The following KPNA4 variants were observed in gnomAD, a reference collection of about 807,000 sequenced individuals.
The protein encoded by KPNA4 is karyopherin subunit alpha 4.
In KPNA4, 13 loss-of-function variants were observed where a neutral mutation model predicts 71.3. The ratio of observed to expected loss-of-function variants is 0.18; its 90% CI spans 0.12 to 0.29. KPNA4 has a LOEUF of 0.29. Among genes scored for constraint, KPNA4 ranks in the 10% least tolerant of loss-of-function variants. KPNA4 has a pLI of 1.00. For missense variants in KPNA4, 334 were observed against 603.2 expected (o/e 0.55, Z 4.67); for synonymous variants, 189 against 195.2 (o/e 0.97, Z 0.26).
rs189405275 is a variant in KPNA4, at chr3:160,531,597, T to A, written c.288-40A>T. On this transcript the variant is annotated intron_variant, in intron 5 of 16. Transcript: ENST00000334256. Reference sequence around the variant, plus strand: ...AACACTCCTGTGAAACTTAATAACATACAATATTATGATTAAATATAAATT... The same window carrying A: ...AACACTCCTGTGAAACTTAATAACAAACAATATTATGATTAAATATAAATT... 10 of 981,738 alleles carry A rather than the reference T, an allele frequency of 1.0e-5. No homozygotes were observed. In the East Asian group the frequency reaches 2.0e-4, roughly 20 times the overall value. 60.8% of individuals were successfully genotyped at this position (981,738 alleles called of 1,614,324 possible). A position where few individuals can be genotyped will look rare whatever the true frequency, so the allele number is the denominator to read the frequency against.
chr3:160,555,791 G>C (rs939656775), intron 1 of KPNA4, among the ~76,000 whole-genome samples: 12 of 151,438 alleles, frequency 7.9e-5, no homozygotes, highest in African/African-American at 2.9e-4. Flanking sequence ...TGGGTATTTG[G>C]GTTGTTTCCT....
At chr3:160,540,221 G>A (rs572707507) in intron 1 of KPNA4, among the ~76,000 whole-genome samples, 3 of 151,790 alleles carry the variant, frequency 2.0e-5, no homozygotes, top group African/African-American at 7.3e-5. Flanking sequence ...GGCTGGTCTC[G>A]AACTCCTGAC....
rs115961633 is a variant in KPNA4 at position 160,497,754 on chromosome 3, C to A, written c.*4350G>T. ...TACTCAGCTATCTTGGCCTTCAAAA[C>A]GCCAATGGTGGATTCTAACTGAAAT... On this transcript the variant is annotated 3_prime_UTR_variant, in exon 17 of 17. Coordinates refer to ENST00000334256, the MANE Select transcript of KPNA4 (RefSeq NM_002268.5). 6.6e-6 allele frequency: 1 copy of A among 152,108 alleles called. No homozygotes were observed. Among genetic ancestry groups the A allele is most frequent in the African/African-American group, 2.4e-5 (1 of 41,410 alleles). 9.4% of individuals were successfully genotyped at this position (152,108 alleles called of 1,614,324 possible).
In KPNA4 at chr3:160,509,339, A is replaced by C. The variant is rs11915478; in HGVS notation, c.1209+461T>G. On this transcript the variant is annotated intron_variant, in intron 14 of 16. Transcript: ENST00000334256. ...TTGTTGTTGTTCATTTGTTAGGAGA[A>C]TGTGTGATGCAGTTTCTTCCATATT... Among the ~76,000 whole-genome samples, 263 of 152,178 alleles carry C rather than the reference A, an allele frequency of 1.7e-3. 1 individual carries two copies. The highest frequency in any genetic ancestry group is 5.9e-3 in the African/African-American group (244 of 41,528).
At chr3:160,516,650 T>A (rs550009312) in intron 11 of KPNA4, among the ~76,000 whole-genome samples, 4 of 151,974 alleles carry the variant, frequency 2.6e-5, no homozygotes, top group Non-Finnish European at 5.9e-5. Context: ...CACGAGCCTG[T>A]AGTCCCAGCT....
At chr3:160,562,025 C>G (rs1276427476) in intron 1 of KPNA4, among the ~76,000 whole-genome samples, 1 of 152,100 alleles carries the variant, frequency 6.6e-6, no homozygotes, top group Non-Finnish European at 1.5e-5. Context: ...AGTTAGAGAT[C>G]AAATTAAACT....
Position 160,565,230 on chromosome 3 carries a change from T to C in KPNA4, c.53A>G (p.Lys18Arg), listed in dbSNP as rs1040237186. ...CGAGTTTACCTCCAAGTCGCGGCCT[T>C]TGTTCTTGAAATTCTTGAGCCGTTG... ...DNQRLKNFKN[K>R]GRDLETMRRQ... Residue 18 changes from lysine (K) to arginine (R), a missense_variant, in exon 1 of 17, where the codon AAA (lysine) becomes AGA (arginine). Coordinates refer to ENST00000334256, the MANE Select transcript of KPNA4 (RefSeq NM_002268.5). 2.5e-6 allele frequency: 4 copies of C among 1,609,162 alleles called. No individual in the cohort carries two copies. The African/African-American group carries it at 4.0e-5, about 16-fold the overall frequency.
chr3:160,502,442 C>G (rs191758454), intron 16 of KPNA4, among the ~76,000 whole-genome samples: 1 of 151,988 alleles, frequency 6.6e-6, no homozygotes, highest in African/African-American at 2.4e-5. Flanking sequence ...ACAAACATAG[C>G]TCATTGCAGC....
In KPNA4 at chr3:160,504,987, T is replaced by G. The variant is rs377517727; in HGVS notation, c.1438A>C (p.Ile480Leu). The change falls in exon 16 of 17, where the codon ATC becomes CTC. Residue 480 changes from isoleucine (I) to leucine (L), a missense_variant. Transcript: ENST00000334256. ...NEDIYKLAYE[I>L]IDQFFSSDDI... ...TCTGAAGAGAAGAACTGATCAATGA[T>G]CTCATAGGCCAATTTGTAGATGTCT... 22 of 1,561,038 alleles carry G rather than the reference T, an allele frequency of 1.4e-5. No homozygotes were observed. The highest frequency in any genetic ancestry group is 1.2e-5 in the Non-Finnish European group (14 of 1,153,226).
chr3:160,515,200 C>T (rs754452278), intron 12 of KPNA4: 3 of 568,266 alleles, frequency 5.3e-6, no homozygotes, highest in Non-Finnish European at 1.0e-5. Context: ...AGTCATACAA[C>T]ATTCAACACC....
rs528212850 is a variant in KPNA4, at chr3:160,507,340, T to C, written c.1372+767A>G. Among the ~76,000 whole-genome samples the C allele has an allele frequency of 5.9e-5, 9 of 151,592 alleles. No individual in the cohort carries two copies. The South Asian group carries it at 1.9e-3, about 32-fold the overall frequency. The stretch of plus-strand genomic sequence containing the variant: ...ATGATGAAACCCCGTCTCTACTAAA[T>C]ATACAAAAAATTAGCTGGGCGTGGT... On this transcript the variant is annotated intron_variant, in intron 15 of 16. Transcript: ENST00000334256.
intron 1 of KPNA4, among the ~76,000 whole-genome samples, chr3:160,543,672 A>G (rs961811275): frequency 2.6e-5 from 4 of 152,176 alleles, no homozygotes; most frequent in Non-Finnish European, 5.9e-5. Context: ...AAAAATATGT[A>G]ATTGTCATTT....
At chr3:160,536,571 A>G (rs1721698596) in intron 2 of KPNA4, among the ~76,000 whole-genome samples, 1 of 152,056 alleles carries the variant, frequency 6.6e-6, no homozygotes, top group East Asian at 1.9e-4. Flanking sequence ...TATCCTTTCA[A>G]CTTCAAAAGC....
chr3:160,530,823 A>G, intron 7 of KPNA4, 32 bp downstream of exon 7: 1 of 1,471,232 alleles, frequency 6.8e-7, no homozygotes, highest in South Asian at 1.2e-5. Flanking sequence ...TTTAAAAAAA[A>G]TCACAATTAT....
chr3:160,531,454 G>T lies in KPNA4; in HGVS notation c.383+8C>A. The T allele has an allele frequency of 2.3e-6, 3 of 1,325,996 alleles. No individual in the cohort carries two copies. The highest frequency in any genetic ancestry group is 3.1e-6 in the Non-Finnish European group (3 of 965,170). 82.1% of individuals were successfully genotyped at this position (1,325,996 alleles called of 1,614,324 possible). A position where few individuals can be genotyped will look rare whatever the true frequency, so the allele number is the denominator to read the frequency against. On this transcript the variant is annotated splice_region_variant and intron_variant, in intron 6 of 16. Coordinates refer to ENST00000334256, the MANE Select transcript of KPNA4 (RefSeq NM_002268.5). ...AATTAAAAAAAAAAAAATAAATAAT[G>T]TACTCACTTGTCATCTCTTTCAAGA...
rs1055791531 is a variant in KPNA4, at chr3:160,495,149, G to A, written c.*6955C>T. Reference sequence around the variant, plus strand: ...AAGACGGAGAAACTCAGATGTGATAGAGCAATGAGTGAACAGATACTATAG... The same window carrying A: ...AAGACGGAGAAACTCAGATGTGATAAAGCAATGAGTGAACAGATACTATAG... On this transcript the variant is annotated 3_prime_UTR_variant, in exon 17 of 17. Transcript: ENST00000334256. 2 of 152,172 alleles carry A rather than the reference G, an allele frequency of 1.3e-5. No individual in the cohort carries two copies. Among genetic ancestry groups the A allele is most frequent in the Non-Finnish European group, 2.9e-5 (2 of 68,034 alleles). 9.4% of individuals were successfully genotyped at this position (152,172 alleles called of 1,614,324 possible).
chr3:160,523,711 C>T (rs988418055), intron 10 of KPNA4, among the ~76,000 whole-genome samples: 2 of 151,898 alleles, frequency 1.3e-5, no homozygotes, highest in Non-Finnish European at 2.9e-5. Context: ...ATTAGCCAGG[C>T]GTGGTGGCGG....
chr3:160,528,100 T>A, intron 7 of KPNA4, 61 bp from the exon 8 acceptor site: 1 of 1,316,678 alleles, frequency 7.6e-7, no homozygotes, highest in Non-Finnish European at 1.1e-6. Context: ...AAAATCAATC[T>A]TTATTTTTTT....
chr3:160,549,294 T>C lies in KPNA4; in HGVS notation c.70-12454A>G, dbSNP rs544398584. Among the ~76,000 whole-genome samples the C allele has an allele frequency of 2.0e-5, 3 of 152,308 alleles. No individual in the cohort carries two copies. In the South Asian group the frequency reaches 6.2e-4, roughly 32 times the overall value. On this transcript the variant is annotated intron_variant, in intron 1 of 16. Coordinates refer to ENST00000334256, the MANE Select transcript of KPNA4 (RefSeq NM_002268.5). ...CATCAACTTTTCAGTTTGATGTTGT[T>C]CCACTTGTCTATTTTTGCTTTTATA... is the stretch of plus-strand genomic sequence containing the variant.
Sources: gnomAD v4.1 joint callset for allele counts (sites outside exome capture counted in the v4.1 genomes callset) on GRCh38, gnomAD v4.1.1 for gene constraint, MANE v1.5 for transcripts, NCBI Gene and HGNC (gene_info 2026-07-23, HGNC 2026-07-21) for gene names.